Variants in KSR2 observed in about 807,000 individuals in gnomAD.
The protein encoded by KSR2 is kinase suppressor of ras 2.
KSR2 carries 25 observed loss-of-function variants against 107.8 expected under a neutral mutation model. The ratio of observed to expected loss-of-function variants is 0.23; its 90% confidence interval spans 0.17 to 0.32. The LOEUF (loss-of-function observed/expected upper bound fraction) is 0.32. Among genes scored for constraint, KSR2 ranks in the 10% least tolerant of loss-of-function variants. KSR2 has a pLI of 1.00. For synonymous variants in KSR2, 480 were observed against 507.0 expected (o/e 0.95, Z 0.71); for missense variants, 887 against 1,268.9 (o/e 0.70, Z 4.57).
intron 5 of KSR2, among the ~76,000 whole-genome samples, chr12:117,615,768 G>A (rs974729542): frequency 3.8e-4 from 58 of 152,152 alleles, no homozygotes; most frequent in Non-Finnish European, 4.6e-4. Context: ...ATCCAAAACT[G>A]CCCAGCCAAG....
intron 1 of KSR2, among the ~76,000 whole-genome samples, chr12:117,955,033 A>T (rs993211504): frequency 4.8e-5 from 7 of 147,138 alleles, no homozygotes; most frequent in East Asian, 2.0e-4. Flanking sequence ...AAAAAAAAAA[A>T]TTTGCCATGT....
At chr12:117,730,698 CG>C (rs1415893206) in intron 4 of KSR2, among the ~76,000 whole-genome samples, 1 of 152,206 alleles carries the variant, frequency 6.6e-6, no homozygotes, top group Non-Finnish European at 1.5e-5. Context: ...TTGGTGGAGA[CG>C]GGGTTTCGCT....
At chr12:117,927,427 T>A (rs1247375229) in intron 1 of KSR2, among the ~76,000 whole-genome samples, 2 of 136,680 alleles carry the variant, frequency 1.5e-5, no homozygotes, top group Non-Finnish European at 3.1e-5. Flanking sequence ...GCATGGTGGT[T>A]ATGTCTGTAA....
At chr12:117,738,969 T>C (rs1593186139) in intron 4 of KSR2, among the ~76,000 whole-genome samples, 1 of 151,996 alleles carries the variant, frequency 6.6e-6, no homozygotes, top group Admixed American at 6.5e-5. Flanking sequence ...AGCGAGTGAG[T>C]GGTGAATGAA....
chr12:117,913,064 G>A (rs1022039241), intron 1 of KSR2, among the ~76,000 whole-genome samples: 2 of 152,172 alleles, frequency 1.3e-5, no homozygotes, highest in Non-Finnish European at 2.9e-5. Context: ...AGGAAGGTGG[G>A]GACAGGGAAA....
chr12:117,800,427 C>T (rs760299871), intron 3 of KSR2, among the ~76,000 whole-genome samples: 22 of 152,072 alleles, frequency 1.4e-4, no homozygotes, highest in Non-Finnish European at 2.9e-4. Context: ...GGCCTGGGTG[C>T]TTATCCCCTG....
At chr12:117,553,887 T>G (rs1592986369) in intron 9 of KSR2, among the ~76,000 whole-genome samples, 1 of 151,260 alleles carries the variant, frequency 6.6e-6, no homozygotes, top group African/African-American at 2.4e-5. Context: ...TTTCCTTCCT[T>G]CCTTTCACCG....
chr12:117,636,733 A>C (rs79841487), intron 5 of KSR2, among the ~76,000 whole-genome samples: 1,802 of 152,348 alleles, frequency 0.012, 31 homozygotes, highest in African/African-American at 0.042. Context: ...CAATACGTTT[A>C]TGACCTCAGG....
intron 3 of KSR2, among the ~76,000 whole-genome samples, chr12:117,789,162 C>T (rs1426208991): frequency 6.6e-6 from 1 of 152,220 alleles, no homozygotes; most frequent in Non-Finnish European, 1.5e-5. Context: ...GTACATCTCA[C>T]TGCAAATTAG....
At chr12:117,675,640 T>C (rs922301302) in intron 4 of KSR2, among the ~76,000 whole-genome samples, 14 of 152,148 alleles carry the variant, frequency 9.2e-5, no homozygotes, top group African/African-American at 3.4e-4. Context: ...CATTTCCTCT[T>C]CCCAAAGTGT....
In KSR2 at chr12:117,455,078, T is replaced by C. The variant is rs574963388; in HGVS notation, c.*12121A>G. ...AGAGAGAGAGAGAGAGAGAGGTCTG[T>C]AGAGCCAGAGAGGGATGCAGAGCAG... On this transcript the variant is annotated 3_prime_UTR_variant, in exon 20 of 20. Coordinates refer to ENST00000339824, the MANE Select transcript of KSR2 (RefSeq NM_173598.6). 35 of 113,936 alleles carry C rather than the reference T, an allele frequency of 3.1e-4. No homozygotes were observed. The highest frequency in any genetic ancestry group is 1.4e-3 in the African/African-American group (33 of 23,326). 7.1% of individuals were successfully genotyped at this position (113,936 alleles called of 1,614,324 possible).
intron 11 of KSR2, 130 bp downstream of exon 11, chr12:117,531,536 G>A: frequency 2.7e-6 from 2 of 738,528 alleles, no homozygotes; most frequent in Non-Finnish European, 4.5e-6. Context: ...TTATCCTGGA[G>A]TGTGGTGACT....
intron 4 of KSR2, among the ~76,000 whole-genome samples, chr12:117,754,474 C>T (rs1042680753): frequency 1.3e-5 from 2 of 151,880 alleles, no homozygotes; most frequent in African/African-American, 2.4e-5. Context: ...CCCGTCTCTA[C>T]TAAAAATACA....
Position 117,454,744 on chromosome 12 carries a change from A to G in KSR2, c.*12455T>C, listed in dbSNP as rs908942144. 3 of 152,246 alleles carry G rather than the reference A, an allele frequency of 2.0e-5. No homozygotes were observed. The highest frequency in any genetic ancestry group is 4.4e-5 in the Non-Finnish European group (3 of 68,080). The allele number at this position is 152,246 out of a possible 1,614,324, so 9.4% of individuals were successfully genotyped here. Reference sequence around the variant, plus strand: ...GGGGCCTATTCATAGAGTGATATGAACTGTCCCAGAAAGAGGTTTTTTGCT... The same window carrying G: ...GGGGCCTATTCATAGAGTGATATGAGCTGTCCCAGAAAGAGGTTTTTTGCT... On this transcript the variant is annotated 3_prime_UTR_variant, in exon 20 of 20. Transcript: ENST00000339824.
chr12:117,937,959 ACT>A (rs1363058044), intron 1 of KSR2, among the ~76,000 whole-genome samples: 1 of 137,590 alleles, frequency 7.3e-6, no homozygotes, highest in Non-Finnish European at 1.5e-5. Flanking sequence ...ACAAAGACAG[ACT>A]CTGTCTCAAG....
At chr12:117,539,654 A>C (rs1836844862) in intron 10 of KSR2, 65 bp downstream of exon 10, 19 of 1,388,644 alleles carry the variant, frequency 1.4e-5, no homozygotes, top group Non-Finnish European at 1.7e-5. Context: ...GCATGAACCC[A>C]CCCCCTCCCT....
At chr12:117,519,749 G>A (rs990042307) in intron 14 of KSR2, among the ~76,000 whole-genome samples, 6 of 152,014 alleles carry the variant, frequency 3.9e-5, no homozygotes, top group Admixed American at 2.0e-4. Flanking sequence ...GTAATTTAGC[G>A]TATATATAGA....
At chr12:117,963,036 A>G (rs373368954) in intron 1 of KSR2, among the ~76,000 whole-genome samples, 1 of 151,750 alleles carries the variant, frequency 6.6e-6, no homozygotes, top group Non-Finnish European at 1.5e-5. Flanking sequence ...CTAAAAATAC[A>G]AAAATTAGCC....
intron 7 of KSR2, among the ~76,000 whole-genome samples, chr12:117,559,326 C>T (rs981973496): frequency 2.6e-5 from 4 of 152,146 alleles, no homozygotes; most frequent in South Asian, 2.1e-4. Flanking sequence ...ACGGACTTCA[C>T]GTTTTAAAAA....
Sources: allele counts gnomAD v4.1 joint callset (sites outside exome capture counted in the v4.1 genomes callset), GRCh38; gene constraint gnomAD v4.1.1; transcripts MANE v1.5; gene names NCBI Gene and HGNC (gene_info 2026-07-23, HGNC 2026-07-21).